TEX14: variants seen among roughly 807,000 people sequenced by gnomAD.
TEX14 encodes the protein testis expressed 14, intercellular bridge forming factor.
Under a neutral mutation model 178.6 loss-of-function variants are expected in TEX14, and 168 were observed. That is an observed-to-expected ratio of 0.94 (90% confidence interval 0.83 to 1.07). The LOEUF (loss-of-function observed/expected upper bound fraction) is 1.07. Among genes scored for constraint, TEX14 ranks in the 50% least tolerant of loss-of-function variants. The pLI, the probability that TEX14 is intolerant of heterozygous loss-of-function variation, is 0.00. For missense variants in TEX14, 1,730 were observed against 1,753.6 expected (o/e 0.99, Z 0.24); for synonymous variants, 626 against 634.1 (o/e 0.99, Z 0.19).
intron 5 of TEX14, among the ~76,000 whole-genome samples, chr17:58,620,384 C>G (rs2045970496): frequency 6.6e-6 from 1 of 152,122 alleles, no homozygotes; most frequent in Admixed American, 6.6e-5. Flanking sequence ...GTTTGGAGTG[C>G]AGTTGCATGA....
chr17:58,575,113 C>CTTT (rs200915772), intron 21 of TEX14, among the ~76,000 whole-genome samples: 2 of 135,526 alleles, frequency 1.5e-5, no homozygotes, highest in Non-Finnish European at 3.2e-5. Context: ...CATGTTTTCA[C>CTTT]TTTTTTTTTT....
At chr17:58,690,102 T>C (rs1023594635) in intron 1 of TEX14, among the ~76,000 whole-genome samples, 1 of 151,974 alleles carries the variant, frequency 6.6e-6, no homozygotes, top group African/African-American at 2.4e-5. Flanking sequence ...GCAGAAGATA[T>C]TAATAGCACT....
At chr17:58,640,586 C>G (rs1251556377) in intron 2 of TEX14, among the ~76,000 whole-genome samples, 2 of 149,596 alleles carry the variant, frequency 1.3e-5, no homozygotes, top group Admixed American at 1.3e-4. Flanking sequence ...ATAAAGGCTC[C>G]TACTCACATG....
rs1448721409 is a variant in TEX14, at chr17:58,630,425, T to A, written c.251+15A>T. ...ACAACCCCTATTTTCTAGACATCAATATTATTGTACTTACTGATTTGGATC... is the reference window on the plus strand; with the variant it reads ...ACAACCCCTATTTTCTAGACATCAAAATTATTGTACTTACTGATTTGGATC... On this transcript the variant is annotated intron_variant, in intron 3 of 31. Coordinates refer to ENST00000349033, the MANE Select transcript of TEX14 (RefSeq NM_031272.5). 12 of 1,553,560 alleles carry A rather than the reference T, an allele frequency of 7.7e-6. No individual in the cohort carries two copies. Among genetic ancestry groups the A allele is most frequent in the Non-Finnish European group, 8.9e-6 (10 of 1,125,244 alleles).
rs538678839 is a variant in TEX14, at chr17:58,573,532, G to A, written c.3384-224C>T. Among the ~76,000 whole-genome samples the A allele has an allele frequency of 1.1e-3, 167 of 151,610 alleles. 1 individual carries two copies. Among genetic ancestry groups the A allele is most frequent in the African/African-American group, 3.8e-3 (156 of 41,396 alleles). ...ATTACCAAAGAGACTTTTTTTTGGC[G>A]GCAGGGACAGAGTTTTGCTCTTGTC... On this transcript the variant is annotated intron_variant, in intron 22 of 31. Coordinates refer to ENST00000349033, the MANE Select transcript of TEX14 (RefSeq NM_031272.5).
chr17:58,601,288 C>A (rs975079254), intron 13 of TEX14, among the ~76,000 whole-genome samples: 1 of 151,862 alleles, frequency 6.6e-6, no homozygotes, highest in Non-Finnish European at 1.5e-5. Flanking sequence ...TTTGGGAGGC[C>A]AAGGCGGGTG....
intron 15 of TEX14, among the ~76,000 whole-genome samples, chr17:58,588,380 G>A (rs1051994669): frequency 6.6e-6 from 1 of 152,168 alleles, no homozygotes; most frequent in Non-Finnish European, 1.5e-5. Context: ...TGCAACCTCC[G>A]CCTCCTGGGT....
intron 14 of TEX14, among the ~76,000 whole-genome samples, chr17:58,594,180 C>T (rs1188279482): frequency 6.6e-6 from 1 of 151,772 alleles, no homozygotes. Flanking sequence ...GAACCTAGCC[C>T]AGACAGGATA....
At chr17:58,653,911 G>A (rs1051889589) in intron 1 of TEX14, among the ~76,000 whole-genome samples, 1 of 152,166 alleles carries the variant, frequency 6.6e-6, no homozygotes, top group Non-Finnish European at 1.5e-5. Flanking sequence ...GCCGGGCATG[G>A]TGGCTCATGC....
intron 20 of TEX14, among the ~76,000 whole-genome samples, 180 bp downstream of exon 20, chr17:58,579,485 G>A (rs1209112794): frequency 6.6e-6 from 1 of 152,218 alleles, no homozygotes; most frequent in Admixed American, 6.5e-5. Flanking sequence ...TGAGGTTGGT[G>A]AGGAGGAAGG....
rs1285222312 is a variant in TEX14, at chr17:58,621,789, G to A, written c.418-3C>T. ...CAGCGCTGCATGAACTCCACTATCT[G>A]CAAAACATCGCAGAGATGCCCAGTG... On this transcript the variant is annotated splice_region_variant and splice_polypyrimidine_tract_variant and intron_variant, in intron 4 of 31. Coordinates refer to ENST00000349033, the MANE Select transcript of TEX14 (RefSeq NM_031272.5). The A allele has an allele frequency of 1.2e-5, 19 of 1,611,232 alleles. No homozygotes were observed. The highest frequency in any genetic ancestry group is 1.6e-5 in the Non-Finnish European group (19 of 1,178,446).
Position 58,599,505 on chromosome 17 carries a change from G to T in TEX14, c.1840C>A (p.Gln614Lys). The T allele has an allele frequency of 6.2e-7, 1 of 1,613,968 alleles. No homozygotes were observed. The change falls in exon 14 of 32, where the codon CAG becomes AAG. Residue 614 changes from glutamine to lysine, a missense_variant. This residue lies in a region of TEX14 where 941 missense variants were observed against 1,072.4 expected (regional missense o/e 0.88). Coordinates refer to ENST00000349033, the MANE Select transcript of TEX14 (RefSeq NM_031272.5). ...ATTTCGAAACTGCAGAGGCTTGGCTGACCTGTGCTGGGGCTGCTGGCCTCT... is the reference window on the plus strand; with the variant it reads ...ATTTCGAAACTGCAGAGGCTTGGCTTACCTGTGCTGGGGCTGCTGGCCTCT... ...AEEASSPSTG[Q>K]PSLCSFEINE...
intron 9 of TEX14, among the ~76,000 whole-genome samples, chr17:58,611,623 T>C (rs1406848584): frequency 6.6e-6 from 1 of 152,240 alleles, no homozygotes; most frequent in Admixed American, 6.5e-5. Context: ...GCATCCAGGA[T>C]TGGCTTGGGG....
chr17:58,683,376 C>CG (rs1277859203), intron 1 of TEX14, among the ~76,000 whole-genome samples: 4 of 147,816 alleles, frequency 2.7e-5, no homozygotes, highest in Non-Finnish European at 4.5e-5. Context: ...CCATCCCCCC[C>CG]CCCAAAAAAA....
chr17:58,605,268 T>A, intron 10 of TEX14, 139 bp from the exon 11 acceptor site: 1 of 951,444 alleles, frequency 1.1e-6, no homozygotes, highest in Non-Finnish European at 1.5e-6. Context: ...CTCAGCTCAC[T>A]GCAACCTCTG....
chr17:58,672,185 A>C (rs446613), intron 1 of TEX14, among the ~76,000 whole-genome samples: 98,139 of 151,882 alleles, frequency 0.65, 32,431 homozygotes, highest in African/African-American at 0.78. Flanking sequence ...TAACAGGAGG[A>C]GGTGCTCAGG....
intron 3 of TEX14, among the ~76,000 whole-genome samples, chr17:58,624,451 C>A (rs2046087988): frequency 6.7e-6 from 1 of 148,150 alleles, no homozygotes; most frequent in African/African-American, 2.5e-5. Context: ...AGTGGTTCTT[C>A]TGCCTCAGCC....
intron 2 of TEX14, among the ~76,000 whole-genome samples, chr17:58,636,025 G>A (rs962767691): frequency 1.4e-4 from 21 of 152,064 alleles, no homozygotes; most frequent in Admixed American, 5.9e-4. Context: ...GATTACAGGC[G>A]TGAGCCACCG....
At chr17:58,687,142 C>T (rs566908508) in intron 1 of TEX14, among the ~76,000 whole-genome samples, 2 of 152,140 alleles carry the variant, frequency 1.3e-5, no homozygotes, top group Non-Finnish European at 1.5e-5. Context: ...AGCAAACTCA[C>T]GACTGCTCCT....
Sources: gnomAD v4.1 joint callset for allele counts (sites outside exome capture counted in the v4.1 genomes callset) on GRCh38, gnomAD v4.1.1 for gene constraint, gnomAD v4.1.1 regional missense constraint, MANE v1.5 for transcripts, NCBI Gene and HGNC (gene_info 2026-07-23, HGNC 2026-07-21) for gene names.